Variants in GABRB2 observed in about 807,000 individuals in gnomAD.
GABRB2 encodes the protein gamma-aminobutyric acid receptor subunit beta-2.
In GABRB2, 16 loss-of-function variants were observed where a neutral mutation model predicts 54.7. The observed-to-expected ratio is 0.29, with a 90% CI of 0.20 to 0.44. The LOEUF is 0.44. GABRB2 is among the 20% of genes least tolerant of loss of function. GABRB2 has a pLI of 1.00. For missense variants in GABRB2, 355 were observed against 644.0 expected, an observed-to-expected ratio of 0.55 and a Z score of 4.86; for synonymous variants, 244 against 233.8, an observed-to-expected ratio of 1.04 and a Z score of -0.40.
chr5:161,508,443 G>A (rs1284099913), intron 3 of GABRB2, among the ~76,000 whole-genome samples: 1 of 151,216 alleles, frequency 6.6e-6, no homozygotes, highest in Non-Finnish European at 1.5e-5. Context: ...AATGGGATTT[G>A]CATGCAATTC....
intron 3 of GABRB2, among the ~76,000 whole-genome samples, chr5:161,527,124 G>T (rs1001689480): frequency 2.6e-5 from 4 of 151,388 alleles, no homozygotes; most frequent in African/African-American, 7.3e-5. Context: ...AAACCACATA[G>T]TGTTGGCACA....
rs1757169871 is a variant in GABRB2 at position 161,289,234 on chromosome 5, T to G, written c.*4847A>C. 6.9e-6 allele frequency: 1 copy of G among 145,034 alleles called. No homozygotes were observed. The highest frequency in any genetic ancestry group is 1.5e-5 in the Non-Finnish European group (1 of 66,472). The allele number at this position is 145,034 out of a possible 1,614,324, so 9.0% of individuals were successfully genotyped here. ...CTAGTAGCTTTTTAAGAGTGCTGCT[T>G]TTTTTTTTTTTTTTTGTACAGATTT... On this transcript the variant is annotated 3_prime_UTR_variant, in exon 10 of 10. Transcript: ENST00000393959.
At chr5:161,451,945 C>G (rs184172121) in intron 4 of GABRB2, among the ~76,000 whole-genome samples, 1 of 152,126 alleles carries the variant, frequency 6.6e-6, no homozygotes, top group Admixed American at 6.5e-5. Context: ...CAATAAGAAA[C>G]ATGGATTATT....
chr5:161,502,847 C>T (rs1331708606), intron 3 of GABRB2, among the ~76,000 whole-genome samples: 1 of 152,178 alleles, frequency 6.6e-6, no homozygotes, highest in African/African-American at 2.4e-5. Flanking sequence ...GAAGAAACTA[C>T]AGAAATCTCC....
At chr5:161,325,537 A>G (rs1758337308) in intron 9 of GABRB2, among the ~76,000 whole-genome samples, 1 of 152,136 alleles carries the variant, frequency 6.6e-6, no homozygotes, top group Non-Finnish European at 1.5e-5. Flanking sequence ...ATAGCCTGAT[A>G]CTTAGAAGAT....
chr5:161,386,388 C>T (rs1005094627), intron 5 of GABRB2, among the ~76,000 whole-genome samples: 2 of 152,162 alleles, frequency 1.3e-5, no homozygotes, highest in Non-Finnish European at 2.9e-5. Context: ...ATGTAGACTG[C>T]GAACTCCCCA....
intron 3 of GABRB2, among the ~76,000 whole-genome samples, chr5:161,531,742 A>C (rs773002811): frequency 3.6e-4 from 55 of 152,168 alleles, no homozygotes; most frequent in Admixed American, 6.5e-4. Context: ...TAAAAAAAAA[A>C]CCTCAAAACT....
At position 161,292,457 on chromosome 5, in the gene GABRB2, C is replaced by T. The variant is rs1757264700; in HGVS notation, c.*1624G>A. ...GAGCCTTATATTGATAGAAGGAAGA[C>T]ATATTAGCTTATTCTCCTCTTGTCC... is the stretch of plus-strand genomic sequence containing the variant. On this transcript the variant is annotated 3_prime_UTR_variant, in exon 10 of 10. Coordinates refer to ENST00000393959, the MANE Select transcript of GABRB2 (RefSeq NM_001371727.1). 6.6e-6 allele frequency: 1 copy of T among 152,116 alleles called. No homozygotes were observed. Among genetic ancestry groups the T allele is most frequent in the Admixed American group, 6.6e-5 (1 of 15,258 alleles). The allele number at this position is 152,116 out of a possible 1,614,324, so 9.4% of individuals were successfully genotyped here. A position where few individuals can be genotyped will look rare whatever the true frequency, so the allele number is the denominator to read the frequency against.
At chr5:161,512,208 G>A (rs1759794532) in intron 3 of GABRB2, among the ~76,000 whole-genome samples, 1 of 151,662 alleles carries the variant, frequency 6.6e-6, no homozygotes, top group East Asian at 1.9e-4. Context: ...AACTACAAAA[G>A]TCATTTGTTC....
At chr5:161,464,204 GACAA>G (rs1215911625) in intron 3 of GABRB2, among the ~76,000 whole-genome samples, 5 of 151,886 alleles carry the variant, frequency 3.3e-5, no homozygotes, top group African/African-American at 1.2e-4. Flanking sequence ...TCACATATCT[GACAA>G]ACAACTTATA....
At chr5:161,365,600 C>T (rs1754949524) in intron 5 of GABRB2, among the ~76,000 whole-genome samples, 1 of 152,134 alleles carries the variant, frequency 6.6e-6, no homozygotes, top group South Asian at 2.1e-4. Flanking sequence ...TTTTAATGCA[C>T]ATTAAGTAAC....
chr5:161,541,588 T>A (rs1204165393), intron 3 of GABRB2, among the ~76,000 whole-genome samples: 1 of 152,258 alleles, frequency 6.6e-6, no homozygotes, highest in Non-Finnish European at 1.5e-5. Flanking sequence ...TGCACTTTTA[T>A]GTTATGAAGA....
At chr5:161,463,599 A>ATG (rs1336712541) in intron 3 of GABRB2, among the ~76,000 whole-genome samples, 1 of 111,876 alleles carries the variant, frequency 8.9e-6, no homozygotes, top group African/African-American at 3.2e-5. Context: ...ATATATATAT[A>ATG]TGAAAGAGAA....
At chr5:161,323,336 T>A (rs1359452584) in intron 9 of GABRB2, among the ~76,000 whole-genome samples, 2 of 152,162 alleles carry the variant, frequency 1.3e-5, no homozygotes, top group African/African-American at 4.8e-5. Context: ...TATACTTTTT[T>A]AAAAATATAA....
upstream of GABRB2, chr5:161,546,787 G>A: frequency 2.1e-6 from 3 of 1,415,954 alleles, no homozygotes; most frequent in South Asian, 1.5e-5. Context: ...CGGGGACCGA[G>A]CAGATTTCCT....
intron 5 of GABRB2, 52 bp downstream of exon 5, chr5:161,410,923 G>T: frequency 7.1e-7 from 1 of 1,404,600 alleles, no homozygotes; most frequent in African/African-American, 1.4e-5. Context: ...AGGCCTCTGC[G>T]TAAGAACCTT....
In GABRB2 at chr5:161,334,813, G is replaced by C; in HGVS notation, c.771C>G (p.Thr257=). ...TCCAGAAGGAGACCCAGGAGAGGAT[G>C]GTAATCAGGATGGAAGGCATGTATG... ...LQTYMPSILI[T]ILSWVSFWIN... The change falls in exon 7 of 10, where the codon ACC becomes ACG. Residue 257 remains threonine, a synonymous_variant. Coordinates refer to ENST00000393959, the MANE Select transcript of GABRB2 (RefSeq NM_001371727.1). 1 of 1,614,010 alleles carries C rather than the reference G, an allele frequency of 6.2e-7. No individual in the cohort carries two copies. Among genetic ancestry groups the C allele is most frequent in the East Asian group, 2.2e-5 (1 of 44,878 alleles).
intron 3 of GABRB2, among the ~76,000 whole-genome samples, chr5:161,470,880 C>T (rs1052041787): frequency 6.6e-6 from 1 of 152,062 alleles, no homozygotes; most frequent in South Asian, 2.1e-4. Context: ...GTTAAGTGAT[C>T]CAGGCGTCTT....
intron 5 of GABRB2, among the ~76,000 whole-genome samples, chr5:161,347,860 TC>T (rs1006340961): frequency 1.3e-5 from 2 of 152,214 alleles, no homozygotes; most frequent in East Asian, 1.9e-4. Flanking sequence ...ACCATTTTTT[TC>T]CCCATTCATT....
Sources: allele counts gnomAD v4.1 joint callset (sites outside exome capture counted in the v4.1 genomes callset), GRCh38; gene constraint gnomAD v4.1.1; transcripts MANE v1.5; gene names NCBI Gene and HGNC (gene_info 2026-07-23, HGNC 2026-07-21).